SLC41A3: variants seen among roughly 807,000 people sequenced by gnomAD.
The protein encoded by SLC41A3 is solute carrier family 41 member 3, also known as SLC41A1-like 2.
A neutral mutation model predicts 45.4 loss-of-function variants in SLC41A3; 44 were observed. The ratio of observed to expected loss-of-function variants is 0.97; its 90% CI spans 0.76 to 1.25. The LOEUF is 1.25. Ranked by LOEUF, SLC41A3 falls within the 50% of genes most tolerant of loss-of-function variation. SLC41A3 has a pLI of 0.00. For synonymous variants in SLC41A3, 256 were observed against 252.4 expected, an observed-to-expected ratio of 1.01 and a Z score of -0.13; for missense variants, 550 against 600.6, an observed-to-expected ratio of 0.92 and a Z score of 0.88.
chr3:126,057,225 C>T (rs1943729556), intron 2 of SLC41A3: 4 of 941,670 alleles, frequency 4.2e-6, no homozygotes, highest in Non-Finnish European at 5.1e-6. Flanking sequence ...TTCATGGCCA[C>T]AGGAAGCTGT....
intron 1 of SLC41A3, among the ~76,000 whole-genome samples, chr3:126,096,216 G>T (rs1307753202): frequency 3.9e-5 from 6 of 152,154 alleles, no homozygotes; most frequent in Non-Finnish European, 2.9e-5. Flanking sequence ...ACACTTGGAG[G>T]CTCTGTGATT....
intron 9 of SLC41A3, 92 bp downstream of exon 9, chr3:126,012,523 A>T: frequency 6.5e-7 from 1 of 1,539,548 alleles, no homozygotes; most frequent in Non-Finnish European, 8.9e-7. Flanking sequence ...GGCTTCAGGC[A>T]TCCATTGCTA....
At chr3:126,023,067 C>A in intron 5 of SLC41A3, 135 bp from the exon 6 acceptor site, 1 of 1,219,028 alleles carries the variant, frequency 8.2e-7, no homozygotes, top group Non-Finnish European at 1.1e-6. Context: ...CATTAACTTG[C>A]CTCCCTCCAC....
intron 2 of SLC41A3, among the ~76,000 whole-genome samples, chr3:126,051,504 G>T (rs1943336617): frequency 6.6e-6 from 1 of 152,028 alleles, no homozygotes; most frequent in South Asian, 2.1e-4. Flanking sequence ...CTGCCCCCAG[G>T]TCCAGGGACT....
chr3:126,061,697 G>A (rs963911513), intron 2 of SLC41A3, among the ~76,000 whole-genome samples: 2 of 152,130 alleles, frequency 1.3e-5, no homozygotes, highest in African/African-American at 4.8e-5. Context: ...GAGGTGAAGA[G>A]GAGGTGACCA....
intron 7 of SLC41A3, 25 bp downstream of exon 7, chr3:126,016,706 G>C (rs1221310031): frequency 7.5e-6 from 12 of 1,592,730 alleles, no homozygotes; most frequent in South Asian, 1.1e-5. Context: ...GAGGAAGAGG[G>C]GCCGTGGCCC....
At chr3:126,032,961 CT>C (rs1941915263) in intron 4 of SLC41A3, among the ~76,000 whole-genome samples, 1 of 152,172 alleles carries the variant, frequency 6.6e-6, no homozygotes, top group African/African-American at 2.4e-5. Flanking sequence ...CCTCTTGCCT[CT>C]GAGCCAATCT....
intron 1 of SLC41A3, among the ~76,000 whole-genome samples, chr3:126,071,943 T>C (rs1944639966): frequency 6.6e-6 from 1 of 151,874 alleles, no homozygotes; most frequent in Non-Finnish European, 1.5e-5. Flanking sequence ...GCTAAATTAT[T>C]TTTTAAAGTT....
intron 2 of SLC41A3, among the ~76,000 whole-genome samples, chr3:126,067,325 G>A (rs1944402214): frequency 6.6e-6 from 1 of 152,160 alleles, no homozygotes. Context: ...GTATGTTGAA[G>A]TCCTAACACC....
At chr3:126,085,358 G>T (rs1365244266), upstream of SLC41A3, 1 of 152,186 alleles carries the variant, frequency 6.6e-6, no homozygotes, top group Non-Finnish European at 1.5e-5. Context: ...ATATTTTACA[G>T]AGTTTGACTC....
chr3:126,016,689 C>T (rs372405298), intron 7 of SLC41A3, 42 bp downstream of exon 7: 3 of 1,580,980 alleles, frequency 1.9e-6, no homozygotes, highest in Non-Finnish European at 2.6e-6. Context: ...GCCTTCATGG[C>T]TGAGAGGAGG....
At chr3:126,055,134 G>A (rs571263679) in intron 2 of SLC41A3, among the ~76,000 whole-genome samples, 1 of 152,168 alleles carries the variant, frequency 6.6e-6, no homozygotes, top group Non-Finnish European at 1.5e-5. Context: ...CATTAGGAAG[G>A]AGGTGCTGCA....
chr3:126,060,633 G>A (rs1418800798), intron 2 of SLC41A3, among the ~76,000 whole-genome samples: 1 of 152,134 alleles, frequency 6.6e-6, no homozygotes, highest in Non-Finnish European at 1.5e-5. Context: ...AACTATATAA[G>A]AAAAATGACT....
chr3:126,068,996 T>C (rs1944487866), intron 1 of SLC41A3, among the ~76,000 whole-genome samples: 2 of 151,902 alleles, frequency 1.3e-5, no homozygotes, highest in South Asian at 4.2e-4. Context: ...TGAAAACACT[T>C]AAAAGGAAAA....
chr3:126,060,443 C>CACACACACACACACACACACAG (rs1293274376), intron 2 of SLC41A3, among the ~76,000 whole-genome samples: 2 of 151,910 alleles, frequency 1.3e-5, no homozygotes, highest in Non-Finnish European at 2.9e-5. Context: ...GAAGGATACA[C>CACACACACACACACACACACAG]ACACACACAC....
intron 2 of SLC41A3, among the ~76,000 whole-genome samples, chr3:126,052,531 G>T (rs1451092306): frequency 6.6e-6 from 1 of 152,156 alleles, no homozygotes; most frequent in East Asian, 1.9e-4. Context: ...CTGAACAAGT[G>T]CCTGTTCTCA....
chr3:126,067,105 C>CA (rs1321749279), intron 2 of SLC41A3, among the ~76,000 whole-genome samples: 2 of 132,634 alleles, frequency 1.5e-5, no homozygotes, highest in East Asian at 2.5e-4. Context: ...CCCCCCGCCC[C>CA]CCGCCCCGGC....
intron 1 of SLC41A3, among the ~76,000 whole-genome samples, chr3:126,076,853 T>C (rs1944901547): frequency 6.6e-6 from 1 of 152,232 alleles, no homozygotes; most frequent in South Asian, 2.1e-4. Flanking sequence ...ATTCTTTTCA[T>C]GTCCAGTTTC....
rs1382154418 is a variant in SLC41A3, at chr3:126,026,170, AC to A, written c.598+164del. On this transcript the variant is annotated intron_variant, in intron 5 of 10. Coordinates refer to ENST00000360370, the MANE Select transcript of SLC41A3 (RefSeq NM_017836.4). This position sits in a 1 kb window ranked among gnomAD's most constrained non-coding sequence, Gnocchi z 4.2. ...TGAGGGCACAAGGTGGGCCATGAAG[AC>A]CCAGCTGGCTCGTCCCACCCTGCCA... 4 of 1,049,978 alleles carry A rather than the reference AC, an allele frequency of 3.8e-6. No individual in the cohort carries two copies. Among genetic ancestry groups the A allele is most frequent in the Non-Finnish European group, 5.4e-6 (4 of 735,416 alleles). 65.0% of individuals were successfully genotyped at this position (1,049,978 alleles called of 1,614,324 possible).
Sources: allele counts gnomAD v4.1 joint callset (sites outside exome capture counted in the v4.1 genomes callset), GRCh38; gene constraint gnomAD v4.1.1; non-coding constraint Gnocchi (gnomAD v3.1); transcripts MANE v1.5; gene names NCBI Gene and HGNC (gene_info 2026-07-23, HGNC 2026-07-21).